ROBO1: variants seen among roughly 807,000 people sequenced by gnomAD.
ROBO1 encodes roundabout homolog 1.
Under a neutral mutation model 195.9 loss-of-function variants are expected in ROBO1, and 149 were observed. The ratio of observed to expected loss-of-function variants is 0.76; its 90% CI spans 0.67 to 0.87. The LOEUF is 0.87. Ranked by LOEUF, ROBO1 falls within the 40% of genes least tolerant of loss-of-function variation. ROBO1 has a pLI of 0.00. For synonymous variants in ROBO1, 816 were observed against 733.2 expected (o/e 1.11, Z -1.82); for missense variants, 1,933 against 2,068.3 (o/e 0.93, Z 1.27).
intron 3 of ROBO1, among the ~76,000 whole-genome samples, chr3:78,952,806 A>G (rs376567262): frequency 2.4e-4 from 36 of 152,036 alleles, no homozygotes; most frequent in African/African-American, 7.7e-4. Context: ...CATTTCGCTC[A>G]GCTACTTTAT....
intron 2 of ROBO1, among the ~76,000 whole-genome samples, chr3:79,506,238 G>T (rs1940387059): frequency 6.6e-6 from 1 of 152,086 alleles, no homozygotes; most frequent in South Asian, 2.1e-4. Flanking sequence ...AACTGAAATA[G>T]ATAGTAAGTG....
chr3:79,088,489 T>C (rs2079415958), intron 3 of ROBO1, among the ~76,000 whole-genome samples: 1 of 152,146 alleles, frequency 6.6e-6, no homozygotes, highest in Admixed American at 6.5e-5. Flanking sequence ...CAAGTTTAAA[T>C]TGTATATACC....
At chr3:79,270,577 C>T (rs1481708484) in intron 2 of ROBO1, among the ~76,000 whole-genome samples, 1 of 151,612 alleles carries the variant, frequency 6.6e-6, no homozygotes, top group East Asian at 1.9e-4. Context: ...CCAACATTAT[C>T]ATATGCAAGA....
intron 3 of ROBO1, among the ~76,000 whole-genome samples, chr3:78,950,924 C>A (rs1293103987): frequency 1.3e-5 from 2 of 151,920 alleles, no homozygotes; most frequent in South Asian, 4.2e-4. Context: ...ATTCTGAGAA[C>A]CTCAATTCCT....
intron 2 of ROBO1, among the ~76,000 whole-genome samples, chr3:79,163,261 A>C (rs755128814): frequency 9.2e-5 from 14 of 152,100 alleles, no homozygotes; most frequent in Non-Finnish European, 1.8e-4. Flanking sequence ...TATCTCATGT[A>C]AGTGGAATCA....
chr3:78,938,047 C>T (rs1560020682), intron 4 of ROBO1: 1 of 152,710 alleles, frequency 6.5e-6, no homozygotes, highest in Non-Finnish European at 1.4e-5. Flanking sequence ...TTTGGCTATT[C>T]ACCGGCATGA....
At position 78,889,651 on chromosome 3, in the gene ROBO1, T is replaced by C. The variant is rs144697253; in HGVS notation, c.499+48950A>G. On this transcript the variant is annotated intron_variant, in intron 4 of 30. Coordinates refer to ENST00000464233, the MANE Select transcript of ROBO1 (RefSeq NM_002941.4). ...GGGGTTTTGATTCCTGCTTGTGAAC[T>C]ATGTGTTCCTAACAGCACAAGCCTC... 4.9e-3 allele frequency among the ~76,000 whole-genome samples: 735 copies of C among 149,424 alleles called. 7 individuals carry two copies. Among genetic ancestry groups the C allele is most frequent in the African/African-American group, 0.017 (694 of 40,386 alleles).
chr3:79,685,966 A>G (rs1473172289), intron 1 of ROBO1, among the ~76,000 whole-genome samples: 1 of 152,218 alleles, frequency 6.6e-6, no homozygotes, highest in African/African-American at 2.4e-5. Context: ...CAATGCAAAA[A>G]TCCTCAATAA....
chr3:78,939,085 A>C (rs1392507415), intron 3 of ROBO1, among the ~76,000 whole-genome samples, 158 bp from the exon 4 acceptor site: 2 of 152,044 alleles, frequency 1.3e-5, no homozygotes, highest in East Asian at 3.9e-4. Context: ...GTCCGCCTTG[A>C]CTACACCTTC....
intron 4 of ROBO1, among the ~76,000 whole-genome samples, chr3:78,903,973 A>T (rs969460410): frequency 2.0e-5 from 3 of 151,974 alleles, no homozygotes; most frequent in Admixed American, 1.3e-4. Flanking sequence ...AAGAAAAAAA[A>T]TTTTCTTATC....
At chr3:79,657,988 G>A (rs937910382) in intron 1 of ROBO1, among the ~76,000 whole-genome samples, 9 of 152,048 alleles carry the variant, frequency 5.9e-5, no homozygotes, top group Non-Finnish European at 1.3e-4. Flanking sequence ...ATGTCAGGTG[G>A]CTGAATATAG....
At chr3:79,470,874 TA>T (rs1482969104) in intron 2 of ROBO1, among the ~76,000 whole-genome samples, 1 of 152,170 alleles carries the variant, frequency 6.6e-6, no homozygotes, top group African/African-American at 2.4e-5. Context: ...CGTTTGTCTT[TA>T]TTAGCAGCAT....
chr3:78,950,298 C>T (rs183740350), intron 3 of ROBO1, among the ~76,000 whole-genome samples: 15 of 151,888 alleles, frequency 9.9e-5, no homozygotes, highest in East Asian at 3.9e-4. Context: ...TAAGAAAATG[C>T]GGCACGTATA....
chr3:79,735,117 C>A (rs374918226), intron 1 of ROBO1, among the ~76,000 whole-genome samples: 1 of 152,186 alleles, frequency 6.6e-6, no homozygotes, highest in South Asian at 2.1e-4. Context: ...TGGATCCATA[C>A]CTTCTGCATC....
At chr3:79,356,115 C>A (rs1468169635) in intron 2 of ROBO1, among the ~76,000 whole-genome samples, 1 of 152,084 alleles carries the variant, frequency 6.6e-6, no homozygotes, top group African/African-American at 2.4e-5. Context: ...CCGAGGCAGG[C>A]AGATCACTTG....
chr3:79,373,100 T>A (rs1362670437), intron 2 of ROBO1, among the ~76,000 whole-genome samples: 1 of 152,150 alleles, frequency 6.6e-6, no homozygotes, highest in African/African-American at 2.4e-5. Context: ...GCAGCTAGAG[T>A]AGACAGAGGC....
At chr3:78,953,102 C>T (rs2040872590) in intron 3 of ROBO1, among the ~76,000 whole-genome samples, 1 of 151,862 alleles carries the variant, frequency 6.6e-6, no homozygotes, top group African/African-American at 2.4e-5. Context: ...ATTTTGCCTC[C>T]CCTCTCCCAT....
chr3:79,428,252 TAA>T (rs2038530916), intron 2 of ROBO1, among the ~76,000 whole-genome samples: 2 of 152,256 alleles, frequency 1.3e-5, no homozygotes, highest in South Asian at 2.1e-4. Context: ...ATATCTCATG[TAA>T]CTTATACACA....
intron 2 of ROBO1, among the ~76,000 whole-genome samples, chr3:79,196,999 T>G (rs76062336): frequency 0.094 from 14,293 of 151,702 alleles, 1,198 homozygotes; most frequent in African/African-American, 0.23. Flanking sequence ...TTACTTAAAT[T>G]ATACTGCTTT....
Sources: gnomAD v4.1 joint callset for allele counts (sites outside exome capture counted in the v4.1 genomes callset) on GRCh38, gnomAD v4.1.1 for gene constraint, MANE v1.5 for transcripts, NCBI Gene and HGNC (gene_info 2026-07-23, HGNC 2026-07-21) for gene names.